CYP39A1: variants seen among roughly 807,000 people sequenced by gnomAD.
The protein encoded by CYP39A1 is cytochrome P450 family 39 subfamily A member 1.
CYP39A1 carries 49 observed loss-of-function variants against 58.1 expected under a neutral mutation model. The observed-to-expected ratio is 0.84, with a 90% CI of 0.67 to 1.07. The LOEUF (loss-of-function observed/expected upper bound fraction) is 1.07, where lower values mean the gene tolerates loss of function less well. CYP39A1 is among the 50% of genes least tolerant of loss of function. The probability of loss-of-function intolerance (pLI) is 0.00; values close to 1 mark genes in which losing one functional copy is unlikely to be tolerated. For missense variants in CYP39A1, 531 were observed against 539.4 expected, an observed-to-expected ratio of 0.98 and a Z score of 0.16; for synonymous variants, 209 against 187.6, an observed-to-expected ratio of 1.11 and a Z score of -0.93.
At chr6:46,640,533 G>A (rs1361414493) in intron 2 of CYP39A1, among the ~76,000 whole-genome samples, 2 of 152,118 alleles carry the variant, frequency 1.3e-5, no homozygotes, top group African/African-American at 2.4e-5. Context: ...ATTAGAAATT[G>A]TGGTTTATTG....
At chr6:46,560,438 G>A (rs1052785770) in intron 10 of CYP39A1, among the ~76,000 whole-genome samples, 1 of 152,170 alleles carries the variant, frequency 6.6e-6, no homozygotes, top group Admixed American at 6.5e-5. Flanking sequence ...GAATATAAAG[G>A]AATCAAGGAT....
intron 7 of CYP39A1, among the ~76,000 whole-genome samples, chr6:46,624,194 T>C (rs975575863): frequency 3.3e-5 from 5 of 152,202 alleles, no homozygotes; most frequent in African/African-American, 1.2e-4. Flanking sequence ...TCTACTCTTT[T>C]ATTTCCTAAA....
At chr6:46,621,940 T>C (rs902429215) in intron 7 of CYP39A1, among the ~76,000 whole-genome samples, 1 of 152,224 alleles carries the variant, frequency 6.6e-6, no homozygotes, top group Middle Eastern at 3.4e-3. Flanking sequence ...TCTAGCAACA[T>C]ATAAAGAAAA....
rs377533267 is a variant in CYP39A1 at position 46,636,500 on chromosome 6, T to G, written c.639-18A>C. The G allele has an allele frequency of 6.6e-7, 1 of 1,507,392 alleles. No homozygotes were observed. The highest frequency in any genetic ancestry group is 1.4e-5 in the African/African-American group (1 of 71,656). The allele number at this position is 1,507,392 out of a possible 1,614,324, so 93.4% of individuals were successfully genotyped here. A position where few individuals can be genotyped will look rare whatever the true frequency, so the allele number is the denominator to read the frequency against. On this transcript the variant is annotated intron_variant, in intron 4 of 11. Coordinates refer to ENST00000275016, the MANE Select transcript of CYP39A1 (RefSeq NM_016593.5). ...ACCAGTTTCTACATGAGAAAAAATA[T>G]ATATAGAAATTAATTGGAAAGCACT...
rs571255953 is a variant in CYP39A1 at position 46,587,133 on chromosome 6, G to A, written c.1194C>T (p.His398=). Residue 398 remains histidine, a synonymous_variant, in exon 10 of 12, where the codon CAC becomes CAT. Coordinates refer to ENST00000275016, the MANE Select transcript of CYP39A1 (RefSeq NM_016593.5). The part of the protein sequence containing the change: ...ERWKKANLEK[H]SFLDCFMAFG... ...ATGCCATGAAGCAGTCCAAGAAAGAGTGCTTCTCTAAATTTGCCTTTTTCC... is the reference window on the plus strand; with the variant it reads ...ATGCCATGAAGCAGTCCAAGAAAGAATGCTTCTCTAAATTTGCCTTTTTCC... The A allele has an allele frequency of 2.5e-6, 4 of 1,611,790 alleles. No homozygotes were observed. Among genetic ancestry groups the A allele is most frequent in the South Asian group, 2.2e-5 (2 of 90,552 alleles).
chr6:46,587,073 T>C lies in CYP39A1; in HGVS notation c.1250+4A>G, dbSNP rs373603430. 2.2e-5 allele frequency: 36 copies of C among 1,607,632 alleles called. No individual in the cohort carries two copies. In the African/African-American group the frequency reaches 4.0e-4, roughly 18 times the overall value. On this transcript the variant is annotated splice_donor_region_variant and intron_variant, in intron 10 of 11. Transcript: ENST00000275016. The stretch of plus-strand genomic sequence containing the variant: ...GATAAATGTGGCCCAGCTGTCTCAC[T>C]GACCTTGCAGGACACTGGAACTTCC...
At chr6:46,616,171 CTT>C (rs1213307074) in intron 7 of CYP39A1, among the ~76,000 whole-genome samples, 502 of 30,718 alleles carry the variant, frequency 0.016, 17 homozygotes, top group African/African-American at 0.024. Flanking sequence ...TTTTTTCTTT[CTT>C]TCTTTCTTTC....
At chr6:46,624,029 A>G (rs975743752) in intron 7 of CYP39A1, among the ~76,000 whole-genome samples, 1 of 152,168 alleles carries the variant, frequency 6.6e-6, no homozygotes, top group Admixed American at 6.6e-5. Context: ...AATAAACAAT[A>G]ACATAGAAAA....
chr6:46,625,584 C>T (rs3799869), intron 6 of CYP39A1, 76 bp from the exon 7 acceptor site: 176,533 of 1,042,710 alleles, frequency 0.17, 15,868 homozygotes, highest in African/African-American at 0.27. Flanking sequence ...ATTAGCCATA[C>T]ATATATTTTT....
intron 6 of CYP39A1, among the ~76,000 whole-genome samples, chr6:46,626,181 A>G (rs1288775203): frequency 6.6e-6 from 1 of 152,118 alleles, no homozygotes; most frequent in Non-Finnish European, 1.5e-5. Context: ...AACTTATTTC[A>G]TATCTTTCCT....
chr6:46,629,515 T>G (rs965333043), intron 6 of CYP39A1, among the ~76,000 whole-genome samples: 1 of 152,182 alleles, frequency 6.6e-6, no homozygotes, highest in African/African-American at 2.4e-5. Flanking sequence ...TCAGATGAAA[T>G]GTATATTCCA....
At chr6:46,584,163 T>C (rs545419891) in intron 10 of CYP39A1, among the ~76,000 whole-genome samples, 2 of 152,294 alleles carry the variant, frequency 1.3e-5, no homozygotes, top group South Asian at 2.1e-4. Context: ...ATTTCATGCA[T>C]TGGCTGTTTA....
chr6:46,591,459 T>A (rs550858415), intron 8 of CYP39A1, among the ~76,000 whole-genome samples: 1 of 152,108 alleles, frequency 6.6e-6, no homozygotes, highest in East Asian at 1.9e-4. Flanking sequence ...CATTGATTAA[T>A]CTTAAAATCA....
At chr6:46,616,547 A>G (rs1446558223) in intron 7 of CYP39A1, among the ~76,000 whole-genome samples, 1 of 151,892 alleles carries the variant, frequency 6.6e-6, no homozygotes, top group East Asian at 2.0e-4. Flanking sequence ...ATCACCTTTT[A>G]ATATTTTTAC....
At chr6:46,629,393 T>C (rs1338342995) in intron 6 of CYP39A1, among the ~76,000 whole-genome samples, 3 of 152,150 alleles carry the variant, frequency 2.0e-5, no homozygotes. Context: ...TGTTTCTCAA[T>C]TTTGCTATAG....
At chr6:46,600,237 AG>A (rs112674264) in intron 7 of CYP39A1, among the ~76,000 whole-genome samples, 119 of 151,952 alleles carry the variant, frequency 7.8e-4, no homozygotes, top group African/African-American at 2.7e-3. Flanking sequence ...CAAGCGATTC[AG>A]CCTCCTGAGT....
chr6:46,595,946 T>C (rs764930341), intron 8 of CYP39A1, 41 bp downstream of exon 8: 4 of 1,579,582 alleles, frequency 2.5e-6, no homozygotes, highest in Non-Finnish European at 2.6e-6. Flanking sequence ...TGTACTTTTT[T>C]TGTAGAAGGT....
chr6:46,630,030 A>C (rs1775551615), intron 6 of CYP39A1, among the ~76,000 whole-genome samples: 1 of 152,162 alleles, frequency 6.6e-6, no homozygotes, highest in Non-Finnish European at 1.5e-5. Context: ...CGGGAAGCAG[A>C]GGTTGCAGTG....
intron 3 of CYP39A1, among the ~76,000 whole-genome samples, chr6:46,638,826 A>AG (rs1776153127): frequency 6.6e-6 from 1 of 152,140 alleles, no homozygotes; most frequent in South Asian, 2.1e-4. Flanking sequence ...AAAGTGACTC[A>AG]GGTAACTTCA....
Sources: gnomAD v4.1 joint callset for allele counts (sites outside exome capture counted in the v4.1 genomes callset) on GRCh38, gnomAD v4.1.1 for gene constraint, MANE v1.5 for transcripts, NCBI Gene and HGNC (gene_info 2026-07-23, HGNC 2026-07-21) for gene names.